Variants in DAB1 observed in about 807,000 individuals in gnomAD.
DAB1 encodes disabled homolog 1.
DAB1 carries 15 observed loss-of-function variants against 64.6 expected under a neutral mutation model. The observed-to-expected ratio is 0.23, with a 90% confidence interval of 0.16 to 0.36. DAB1 has a LOEUF of 0.36. Among genes scored for constraint, DAB1 ranks in the 10% least tolerant of loss-of-function variants. The pLI is 1.00. For missense variants in DAB1, 596 were observed against 706.7 expected (o/e 0.84, Z 1.78); for synonymous variants, 235 against 251.9 (o/e 0.93, Z 0.64).
chr1:57,193,856 T>C (rs1282946705), intron 2 of DAB1, among the ~76,000 whole-genome samples: 2 of 152,232 alleles, frequency 1.3e-5, no homozygotes, highest in Non-Finnish European at 2.9e-5. Context: ...GTTCAAATCC[T>C]GGATCCAGCA....
intron 2 of DAB1, among the ~76,000 whole-genome samples, chr1:58,508,328 T>C (rs1417860916): frequency 2.6e-5 from 4 of 152,040 alleles, no homozygotes; most frequent in East Asian, 1.9e-4. Flanking sequence ...AAGTAACAGG[T>C]TGACATCAGC....
chr1:57,647,682 T>C (rs1332625872), intron 7 of DAB1, among the ~76,000 whole-genome samples: 3 of 152,234 alleles, frequency 2.0e-5, no homozygotes, highest in African/African-American at 7.2e-5. Flanking sequence ...GTGATAAGGA[T>C]ACCACATACC....
At chr1:57,043,373 C>T (rs915309376) in intron 9 of DAB1, among the ~76,000 whole-genome samples, 1 of 152,180 alleles carries the variant, frequency 6.6e-6, no homozygotes, top group African/African-American at 2.4e-5. Flanking sequence ...ATTCCTCTCT[C>T]TCCCACACTT....
At chr1:58,439,980 G>A (rs1329601720) in intron 3 of DAB1, among the ~76,000 whole-genome samples, 1 of 152,166 alleles carries the variant, frequency 6.6e-6, no homozygotes, top group East Asian at 1.9e-4. Context: ...TGAGATTCCT[G>A]CTTATCTCTA....
intron 7 of DAB1, among the ~76,000 whole-genome samples, chr1:57,530,821 G>A (rs1400599888): frequency 1.3e-5 from 2 of 152,086 alleles, no homozygotes; most frequent in African/African-American, 2.4e-5. Context: ...AATGATACAG[G>A]AAGGCATTAA....
At chr1:58,300,533 G>A (rs1355323741) in intron 4 of DAB1, among the ~76,000 whole-genome samples, 2 of 128,360 alleles carry the variant, frequency 1.6e-5, no homozygotes, top group Non-Finnish European at 3.2e-5. Context: ...GGCAACAAAA[G>A]TGAAACTCTG....
intron 1 of DAB1, among the ~76,000 whole-genome samples, chr1:57,367,213 T>A (rs1680129715): frequency 6.6e-6 from 1 of 152,040 alleles, no homozygotes; most frequent in Admixed American, 6.5e-5. Flanking sequence ...AGGCTGAGGC[T>A]GCAGTAAGCT....
chr1:57,893,064 A>C (rs1484379355), intron 5 of DAB1, among the ~76,000 whole-genome samples: 1 of 144,188 alleles, frequency 6.9e-6, no homozygotes, highest in Non-Finnish European at 1.5e-5. Context: ...GCAAGTTCCC[A>C]GGTGCTGCTG....
intron 3 of DAB1, among the ~76,000 whole-genome samples, chr1:58,436,817 G>A (rs904241849): frequency 6.6e-6 from 1 of 152,178 alleles, no homozygotes; most frequent in African/African-American, 2.4e-5. Context: ...AGCGATGTTT[G>A]CACTTCCCAT....
In DAB1 at chr1:57,088,277, G is replaced by T. The variant is rs986677387; in HGVS notation, c.307-15863C>A. On this transcript the variant is annotated intron_variant, in intron 4 of 14. Transcript: ENST00000371236. ...GTAGAGACGGGGTTTCACCATGTTG[G>T]TCAGGCTGGTCTTGAACTCCTGACC... Among the ~76,000 whole-genome samples the T allele has an allele frequency of 2.0e-5, 3 of 152,056 alleles. No individual in the cohort carries two copies. In the East Asian group the frequency reaches 5.8e-4, roughly 29 times the overall value.
intron 3 of DAB1, among the ~76,000 whole-genome samples, chr1:58,389,232 G>GT (rs1462103446): frequency 6.6e-5 from 10 of 152,168 alleles, no homozygotes; most frequent in Admixed American, 1.3e-4. Context: ...GAGCCTAGTT[G>GT]TTTGAGACCA....
At chr1:57,852,389 A>G (rs1172847261) in intron 1 of DAB1, among the ~76,000 whole-genome samples, 1 of 152,166 alleles carries the variant, frequency 6.6e-6, no homozygotes, top group Non-Finnish European at 1.5e-5. Context: ...AAGCTTTCCT[A>G]CATTCTAAAC....
chr1:58,014,079 A>G lies in DAB1; in HGVS notation n.388-129917T>C, dbSNP rs573809686. ...TACTTATTCCTTGTAACACTCATGG[A>G]ATTAGCTGTTACTGTGTTACTCCTA... On this transcript the variant is annotated intron_variant and non_coding_transcript_variant, in intron 5 of 20. Coordinates refer to the DAB1 transcript ENST00000485760. Among the ~76,000 whole-genome samples the G allele has an allele frequency of 2.0e-5, 3 of 152,210 alleles. No individual in the cohort carries two copies. The East Asian group carries it at 5.8e-4, about 29-fold the overall frequency.
At chr1:58,184,930 T>A (rs559516246) in intron 4 of DAB1, among the ~76,000 whole-genome samples, 1 of 152,242 alleles carries the variant, frequency 6.6e-6, no homozygotes, top group African/African-American at 2.4e-5. Flanking sequence ...AATATGTGTC[T>A]AAGGGAACAG....
intron 5 of DAB1, among the ~76,000 whole-genome samples, chr1:58,076,058 T>C (rs1409738882): frequency 2.0e-5 from 3 of 151,982 alleles, no homozygotes; most frequent in Admixed American, 6.6e-5. Context: ...CCTAGTCCAA[T>C]CAAATACGGC....
chr1:58,261,428 GC>G (rs1369118319), intron 4 of DAB1, among the ~76,000 whole-genome samples: 1 of 152,130 alleles, frequency 6.6e-6, no homozygotes, highest in African/African-American at 2.4e-5. Flanking sequence ...CCTGATACCT[GC>G]CAAGGTAAGA....
chr1:57,737,198 G>T (rs1420611127), intron 6 of DAB1, among the ~76,000 whole-genome samples: 1 of 152,180 alleles, frequency 6.6e-6, no homozygotes, highest in Non-Finnish European at 1.5e-5. Flanking sequence ...TCCTGTTGGT[G>T]CCTCTCATTG....
chr1:57,015,745 AG>A lies in DAB1; in HGVS notation c.896-315del, dbSNP rs532063927. On this transcript the variant is annotated intron_variant, in intron 11 of 14. Coordinates refer to ENST00000371236, the MANE Select transcript of DAB1 (RefSeq NM_001365792.1). The stretch of plus-strand genomic sequence containing the variant: ...CTCAGAAGCTGTGTGTCTCAGGGAC[AG>A]GGCAGAAGGATGGAAGGCAGGCCTC... 3.6e-3 allele frequency among the ~76,000 whole-genome samples: 551 copies of A among 152,358 alleles called. 2 individuals carry two copies. Among genetic ancestry groups the A allele is most frequent in the African/African-American group, 0.012 (504 of 41,580 alleles).
intron 6 of DAB1, among the ~76,000 whole-genome samples, chr1:57,708,185 C>T (rs577921256): frequency 5.5e-4 from 84 of 152,322 alleles, no homozygotes; most frequent in Non-Finnish European, 1.1e-3. Context: ...GTGGTGAATT[C>T]TGCCTGGATT....
Sources: allele counts gnomAD v4.1 joint callset (sites outside exome capture counted in the v4.1 genomes callset), GRCh38; gene constraint gnomAD v4.1.1; transcripts MANE v1.5; gene names NCBI Gene and HGNC (gene_info 2026-07-23, HGNC 2026-07-21).